DLGAP2: variants seen among roughly 807,000 people sequenced by gnomAD.
DLGAP2 encodes the protein DLG associated protein 2, also known as disks large-associated protein 2.
In DLGAP2, 26 loss-of-function variants were observed where a neutral mutation model predicts 100.3. The ratio of observed to expected loss-of-function variants is 0.26; its 90% CI spans 0.19 to 0.36. The LOEUF (loss-of-function observed/expected upper bound fraction) is 0.36, where lower values mean the gene tolerates loss of function less well. Ranked by LOEUF, DLGAP2 falls within the 10% of genes least tolerant of loss-of-function variation. The pLI is 1.00. For synonymous variants in DLGAP2, 886 were observed against 630.1 expected, an observed-to-expected ratio of 1.41 and a Z score of -6.08; for missense variants, 1,858 against 1,453.2, an observed-to-expected ratio of 1.28 and a Z score of -4.53.
chr8:1,181,271 A>G (rs1797381343), intron 2 of DLGAP2, among the ~76,000 whole-genome samples: 1 of 149,614 alleles, frequency 6.7e-6, no homozygotes. Context: ...GGTGGCACAC[A>G]TCGTGTGCAA....
chr8:1,462,555 G>A (rs899015023), intron 3 of DLGAP2, among the ~76,000 whole-genome samples: 6 of 151,746 alleles, frequency 4.0e-5, no homozygotes, highest in Admixed American at 1.3e-4. Context: ...GGAGAAGGGC[G>A]GTGTTCAGGT....
chr8:1,384,706 AC>A (rs1796176178), intron 3 of DLGAP2, among the ~76,000 whole-genome samples: 1 of 68,298 alleles, frequency 1.5e-5, no homozygotes, highest in Non-Finnish European at 2.9e-5. Context: ...GTGCACAGTT[AC>A]CCCGGCCTAT....
chr8:1,096,175 C>T (rs1405648311), intron 2 of DLGAP2, among the ~76,000 whole-genome samples: 1 of 152,158 alleles, frequency 6.6e-6, no homozygotes, highest in Non-Finnish European at 1.5e-5. Context: ...ATGCTGTTCA[C>T]CATGGCTGAC....
At chr8:980,295 C>G (rs962359318) in intron 2 of DLGAP2, among the ~76,000 whole-genome samples, 4 of 152,178 alleles carry the variant, frequency 2.6e-5, no homozygotes, top group African/African-American at 7.2e-5. Flanking sequence ...ATGGTGGAAT[C>G]CTACATTTTG....
At position 1,241,328 on chromosome 8, in the gene DLGAP2, T is replaced by C. The variant is rs1225802200; in HGVS notation, c.74-17523T>C. On this transcript the variant is annotated intron_variant, in intron 2 of 14. Transcript: ENST00000637795. ...CGTGTCTAGTTCTCTCACATGGCAC[T>C]GTGTCTAGTTGTCTCACATGGCGCC... Among the ~76,000 whole-genome samples the C allele has an allele frequency of 1.6e-4, 21 of 132,254 alleles. 1 individual carries two copies. Among genetic ancestry groups the C allele is most frequent in the African/African-American group, 4.3e-4 (14 of 32,908 alleles). The allele number at this position is 132,254 out of a possible 152,430, so 86.8% of individuals were successfully genotyped here. A position where few individuals can be genotyped will look rare whatever the true frequency, so the allele number is the denominator to read the frequency against.
At chr8:1,257,268 G>A (rs1452248936) in intron 2 of DLGAP2, among the ~76,000 whole-genome samples, 2 of 151,578 alleles carry the variant, frequency 1.3e-5, no homozygotes, top group East Asian at 1.9e-4. Context: ...TCCCCGCCCC[G>A]CCCAGCCACC....
At chr8:1,560,786 G>A (rs946651934) in intron 5 of DLGAP2, among the ~76,000 whole-genome samples, 1 of 152,226 alleles carries the variant, frequency 6.6e-6, no homozygotes, top group African/African-American at 2.4e-5. Flanking sequence ...GACAAAATGT[G>A]AACAAAACAT....
chr8:1,122,493 A>G (rs571920389), intron 2 of DLGAP2, among the ~76,000 whole-genome samples: 29 of 152,166 alleles, frequency 1.9e-4, no homozygotes, highest in Non-Finnish European at 3.8e-4. Context: ...TTGATCCCAC[A>G]ATAGGTTGAA....
At chr8:1,560,251 A>C (rs146439626) in intron 5 of DLGAP2, among the ~76,000 whole-genome samples, 54 of 152,342 alleles carry the variant, frequency 3.5e-4, no homozygotes, top group African/African-American at 1.3e-3. Flanking sequence ...TAAAAATGTC[A>C]AGTGCTTTAA....
chr8:1,653,952 G>T (rs1798224863), intron 8 of DLGAP2, among the ~76,000 whole-genome samples: 2 of 152,096 alleles, frequency 1.3e-5, no homozygotes, highest in South Asian at 2.1e-4. Context: ...TTAATTGAAG[G>T]TCACTTCCTT....
At chr8:1,387,376 C>T (rs961385248) in intron 3 of DLGAP2, among the ~76,000 whole-genome samples, 4 of 151,606 alleles carry the variant, frequency 2.6e-5, no homozygotes, top group Non-Finnish European at 5.9e-5. Flanking sequence ...AGAGTAGAAA[C>T]CCTGAATTGG....
chr8:1,419,007 G>T (rs1797016374), intron 3 of DLGAP2, among the ~76,000 whole-genome samples: 1 of 152,258 alleles, frequency 6.6e-6, no homozygotes, highest in African/African-American at 2.4e-5. Flanking sequence ...GAACGAAGGG[G>T]CACATGGGGC....
chr8:1,105,335 A>G (rs1211454107), intron 2 of DLGAP2, among the ~76,000 whole-genome samples: 3 of 152,208 alleles, frequency 2.0e-5, no homozygotes, highest in African/African-American at 7.2e-5. Flanking sequence ...TAGGGGTCTC[A>G]TGTTGTGGGG....
At position 1,242,995 on chromosome 8, in the gene DLGAP2, C is replaced by T. The variant is rs116531739; in HGVS notation, c.74-15856C>T. 9.8e-4 allele frequency among the ~76,000 whole-genome samples: 149 copies of T among 152,306 alleles called. 1 individual carries two copies. The highest frequency in any genetic ancestry group is 3.4e-3 in the African/African-American group (142 of 41,576). ...ATGACTCAAATATCACCCCAAGCAT[C>T]GTCTTCTCTGGGGAGCCATTCCTGA... On this transcript the variant is annotated intron_variant, in intron 2 of 14. Transcript: ENST00000637795.
chr8:1,344,247 T>C (rs1245493718), intron 3 of DLGAP2, among the ~76,000 whole-genome samples: 1 of 152,222 alleles, frequency 6.6e-6, no homozygotes, highest in East Asian at 1.9e-4. Flanking sequence ...GCTGCACACT[T>C]CGCCCAGTCT....
chr8:823,915 C>G (rs1216974518), intron 1 of DLGAP2, among the ~76,000 whole-genome samples: 3 of 152,224 alleles, frequency 2.0e-5, no homozygotes, highest in African/African-American at 7.2e-5. Flanking sequence ...CCGTGACACA[C>G]AGCTATCCCT....
At chr8:1,355,764 C>T (rs547362291) in intron 3 of DLGAP2, among the ~76,000 whole-genome samples, 1 of 152,114 alleles carries the variant, frequency 6.6e-6, no homozygotes, top group Admixed American at 6.5e-5. Context: ...GACAAGTGCC[C>T]CACAGCTGTG....
chr8:1,639,459 T>C (rs564974336), intron 8 of DLGAP2, among the ~76,000 whole-genome samples: 1 of 152,070 alleles, frequency 6.6e-6, no homozygotes, highest in Admixed American at 6.5e-5. Flanking sequence ...GCAGGGGTCC[T>C]GTGCCACCCC....
intron 3 of DLGAP2, among the ~76,000 whole-genome samples, chr8:1,356,191 C>T (rs1321845334): frequency 6.6e-6 from 1 of 152,156 alleles, no homozygotes; most frequent in East Asian, 1.9e-4. Context: ...CTCTGTGGCC[C>T]CCTGGAGAGG....
Sources: gnomAD v4.1 joint callset for allele counts (sites outside exome capture counted in the v4.1 genomes callset) on GRCh38, gnomAD v4.1.1 for gene constraint, MANE v1.5 for transcripts, NCBI Gene and HGNC (gene_info 2026-07-23, HGNC 2026-07-21) for gene names.